SHISA6: variants seen among roughly 807,000 people sequenced by gnomAD.
SHISA6 encodes the protein shisa family member 6.
In SHISA6, 22 loss-of-function variants were observed where a neutral mutation model predicts 47.9. The ratio of observed to expected loss-of-function variants is 0.46; its 90% CI spans 0.33 to 0.66. The LOEUF (loss-of-function observed/expected upper bound fraction) is 0.66, where lower values mean the gene tolerates loss of function less well. SHISA6 is among the 30% of genes least tolerant of loss of function. The pLI, the probability that SHISA6 is intolerant of heterozygous loss-of-function variation, is 0.02. For synonymous variants in SHISA6, 388 were observed against 337.8 expected (o/e 1.15, Z -1.63); for missense variants, 680 against 764.6 (o/e 0.89, Z 1.30).
rs975610670 is a variant in SHISA6 at position 11,560,594 on chromosome 17, C to A, written c.*2290C>A. On this transcript the variant is annotated 3_prime_UTR_variant, in exon 6 of 6. Transcript: ENST00000441885. Reference sequence around the variant, plus strand: ...CCTGAGTGGCTGAGAATGCCCTTCCCAGGTGTCTACATGCAGGTATACACC... The same window carrying A: ...CCTGAGTGGCTGAGAATGCCCTTCCAAGGTGTCTACATGCAGGTATACACC... 5 of 152,304 alleles carry A rather than the reference C, an allele frequency of 3.3e-5. No individual in the cohort carries two copies. Among genetic ancestry groups the A allele is most frequent in the Admixed American group, 3.3e-4 (5 of 15,280 alleles). The allele number at this position is 152,304 out of a possible 1,614,324, so 9.4% of individuals were successfully genotyped here.
chr17:11,556,633 G>A (rs2071982983), intron 5 of SHISA6, among the ~76,000 whole-genome samples: 1 of 152,118 alleles, frequency 6.6e-6, no homozygotes, highest in Admixed American at 6.6e-5. Context: ...TACCCTGACA[G>A]AAGTGCAGCC....
At chr17:11,393,258 T>A (rs113422040) in intron 3 of SHISA6, among the ~76,000 whole-genome samples, 1 of 152,172 alleles carries the variant, frequency 6.6e-6, no homozygotes, top group Non-Finnish European at 1.5e-5. Flanking sequence ...CTGCACACTA[T>A]CCTTGACATC....
intron 3 of SHISA6, among the ~76,000 whole-genome samples, chr17:11,421,862 G>C (rs929023837): frequency 1.3e-5 from 2 of 152,190 alleles, no homozygotes; most frequent in Non-Finnish European, 2.9e-5. Flanking sequence ...AGGGAAGGCA[G>C]AGGAGCAAAT....
At chr17:11,286,874 G>C (rs1909317153) in intron 2 of SHISA6, among the ~76,000 whole-genome samples, 1 of 152,188 alleles carries the variant, frequency 6.6e-6, no homozygotes, top group African/African-American at 2.4e-5. Flanking sequence ...GCTCTTATCA[G>C]AATGATAGAA....
At chr17:11,408,030 C>T (rs1914014695) in intron 3 of SHISA6, among the ~76,000 whole-genome samples, 1 of 152,124 alleles carries the variant, frequency 6.6e-6, no homozygotes, top group Non-Finnish European at 1.5e-5. Flanking sequence ...TCTGATGTGC[C>T]TGGACCAGAT....
intron 3 of SHISA6, among the ~76,000 whole-genome samples, chr17:11,455,191 AAC>A (rs1479253203): frequency 6.6e-6 from 1 of 151,704 alleles, no homozygotes; most frequent in African/African-American, 2.4e-5. Flanking sequence ...CAAACAAACA[AAC>A]AAAAAAAACA....
chr17:11,561,532 T>C lies in SHISA6; in HGVS notation c.*3228T>C, dbSNP rs888705457. On this transcript the variant is annotated 3_prime_UTR_variant, in exon 6 of 6. Transcript: ENST00000441885. ...TTCTGCCCTCAGGGCTCCCCCAGTG[T>C]CTTGGGAGTGTCTTGGGCCACACGA... 1 of 152,278 alleles carries C rather than the reference T, an allele frequency of 6.6e-6. No homozygotes were observed. Among genetic ancestry groups the C allele is most frequent in the African/African-American group, 2.4e-5 (1 of 41,456 alleles). 9.4% of individuals were successfully genotyped at this position (152,278 alleles called of 1,614,324 possible). A position where few individuals can be genotyped will look rare whatever the true frequency, so the allele number is the denominator to read the frequency against.
At chr17:11,311,298 A>AAC (rs1555527562) in intron 2 of SHISA6, among the ~76,000 whole-genome samples, 2,152 of 133,172 alleles carry the variant, frequency 0.016, 145 homozygotes, top group African/African-American at 0.054. Context: ...AAAAAAAAAA[A>AAC]AACCGACAAA....
chr17:11,541,771 C>T (rs2071836080), intron 3 of SHISA6, among the ~76,000 whole-genome samples: 1 of 152,072 alleles, frequency 6.6e-6, no homozygotes, highest in African/African-American at 2.4e-5. Flanking sequence ...AGGACACAAC[C>T]AGAGCTTCCC....
At chr17:11,368,668 A>T (rs1183157237) in intron 2 of SHISA6, among the ~76,000 whole-genome samples, 1 of 151,808 alleles carries the variant, frequency 6.6e-6, no homozygotes, top group Non-Finnish European at 1.5e-5. Flanking sequence ...TTATTTATTT[A>T]TTTTTTGAGA....
Position 11,507,186 on chromosome 17 carries a change from T to G in SHISA6, c.896-44710T>G, listed in dbSNP as rs1188753651. On this transcript the variant is annotated intron_variant, in intron 3 of 5. Coordinates refer to ENST00000441885, the MANE Select transcript of SHISA6 (RefSeq NM_207386.4). ...AAACTAATGTGTATAAAATGCCTTG[T>G]AGTATAAATTGCTCAATTAATATTG... is the stretch of plus-strand genomic sequence containing the variant. 2.0e-4 allele frequency among the ~76,000 whole-genome samples: 31 copies of G among 152,246 alleles called. 2 individuals carry two copies. Among genetic ancestry groups the G allele is most frequent in the Admixed American group, 2.0e-3 (30 of 15,286 alleles).
intron 3 of SHISA6, among the ~76,000 whole-genome samples, chr17:11,423,338 G>T (rs200112924): frequency 4.5e-5 from 1 of 22,078 alleles, no homozygotes; most frequent in Non-Finnish European, 9.9e-5. Flanking sequence ...TAGATAGATA[G>T]ATAGATAGAT....
chr17:11,398,525 A>G (rs1165766516), intron 3 of SHISA6, among the ~76,000 whole-genome samples: 1 of 152,154 alleles, frequency 6.6e-6, no homozygotes, highest in Non-Finnish European at 1.5e-5. Flanking sequence ...CTACCAGGAC[A>G]CTTTTCCAGT....
At chr17:11,381,984 A>G (rs1567590134) in intron 3 of SHISA6, among the ~76,000 whole-genome samples, 1 of 152,226 alleles carries the variant, frequency 6.6e-6, no homozygotes, top group Non-Finnish European at 1.5e-5. Context: ...GAGAACAGCT[A>G]AAGTTTCAAG....
At chr17:11,323,030 C>A (rs545051503) in intron 2 of SHISA6, among the ~76,000 whole-genome samples, 2 of 152,246 alleles carry the variant, frequency 1.3e-5, no homozygotes, top group South Asian at 4.1e-4. Context: ...TTGAAAAATT[C>A]TTTTCGGGTC....
intron 3 of SHISA6, among the ~76,000 whole-genome samples, chr17:11,411,916 C>T (rs531028263): frequency 1.3e-5 from 2 of 152,244 alleles, no homozygotes; most frequent in East Asian, 3.9e-4. Context: ...TTTTATTTTC[C>T]TTAATTCATA....
chr17:11,260,849 C>G (rs761295496), intron 1 of SHISA6, among the ~76,000 whole-genome samples: 53 of 152,022 alleles, frequency 3.5e-4, no homozygotes, highest in Non-Finnish European at 5.6e-4. Flanking sequence ...TTCTCTCCCT[C>G]TCTGTTTGCT....
intron 3 of SHISA6, among the ~76,000 whole-genome samples, chr17:11,487,801 G>A (rs1039544753): frequency 2.0e-5 from 3 of 152,236 alleles, no homozygotes; most frequent in Non-Finnish European, 4.4e-5. Flanking sequence ...AGAACCTGGA[G>A]TCTAAGTCTT....
chr17:11,382,073 TAG>T (rs112046629), intron 3 of SHISA6, among the ~76,000 whole-genome samples: 17 of 149,792 alleles, frequency 1.1e-4, no homozygotes, highest in Admixed American at 1.3e-4. Flanking sequence ...TTCCGTTTTT[TAG>T]AGAGAGAGAG....
Sources: gnomAD v4.1 joint callset for allele counts (sites outside exome capture counted in the v4.1 genomes callset) on GRCh38, gnomAD v4.1.1 for gene constraint, MANE v1.5 for transcripts, NCBI Gene and HGNC (gene_info 2026-07-23, HGNC 2026-07-21) for gene names.